Variants in PCDHA9 observed in about 807,000 individuals in gnomAD.
PCDHA9 encodes protocadherin alpha 9.
PCDHA9 carries 62 observed loss-of-function variants against 62.0 expected under a neutral mutation model. That is an observed-to-expected ratio of 1.00 (90% confidence interval 0.81 to 1.23). PCDHA9 has a LOEUF of 1.23. Among genes scored for constraint, PCDHA9 ranks in the 50% most tolerant of loss-of-function variants. The probability of loss-of-function intolerance (pLI) is 0.00; values close to 1 mark genes in which losing one functional copy is unlikely to be tolerated. For synonymous variants in PCDHA9, 557 were observed against 567.6 expected, an observed-to-expected ratio of 0.98 and a Z score of 0.27; for missense variants, 1,205 against 1,249.8, an observed-to-expected ratio of 0.96 and a Z score of 0.54.
chr5:140,962,080 T>A (rs1226617177), intron 1 of PCDHA9, among the ~76,000 whole-genome samples: 1 of 151,756 alleles, frequency 6.6e-6, no homozygotes, highest in Non-Finnish European at 1.5e-5. Context: ...AGAGACGGGG[T>A]TTCACCATGT....
At chr5:140,871,627 G>A (rs1448842330) in intron 1 of PCDHA9, 32 of 1,398,812 alleles carry the variant, frequency 2.3e-5, no homozygotes, top group African/African-American at 4.4e-5. Flanking sequence ...AGATAACAAT[G>A]TCTGTTCATA....
At chr5:140,998,148 A>G (rs1229553205) in intron 3 of PCDHA9, among the ~76,000 whole-genome samples, 10 of 152,234 alleles carry the variant, frequency 6.6e-5, no homozygotes, top group Admixed American at 6.5e-4. Flanking sequence ...TGTACTGAAC[A>G]GTTAAGCCAT....
intron 1 of PCDHA9, chr5:140,858,271 C>A: frequency 6.3e-7 from 1 of 1,597,124 alleles, no homozygotes. Flanking sequence ...TGTGCTCTAG[C>A]GCGGTGGGGA....
At chr5:140,856,346 GAGTGC>G in intron 1 of PCDHA9, 1 of 1,598,632 alleles carries the variant, frequency 6.3e-7, no homozygotes, top group South Asian at 1.1e-5. Context: ...GCGGAGCGTG[GAGTGC>G]AGCATCCACC....
chr5:140,977,163 AATG>A (rs1554238313), intron 1 of PCDHA9, among the ~76,000 whole-genome samples: 2 of 152,198 alleles, frequency 1.3e-5, no homozygotes, highest in Non-Finnish European at 2.9e-5. Flanking sequence ...CTTTCAGCAA[AATG>A]AGTTTGATGA....
chr5:141,000,395 C>CTCTCTATA (rs1213762225), intron 3 of PCDHA9, among the ~76,000 whole-genome samples: 1 of 53,986 alleles, frequency 1.9e-5, no homozygotes, highest in Non-Finnish European at 3.2e-5. Flanking sequence ...CTCTCTCTCT[C>CTCTCTATA]TATATATATA....
chr5:140,991,748 T>C (rs1192231997), intron 3 of PCDHA9, among the ~76,000 whole-genome samples: 4 of 152,224 alleles, frequency 2.6e-5, no homozygotes, highest in Non-Finnish European at 4.4e-5. Flanking sequence ...AGGCTCTTTC[T>C]ATCATGCTCT....
intron 1 of PCDHA9, chr5:140,882,819 A>G: frequency 6.2e-7 from 1 of 1,614,244 alleles, no homozygotes; most frequent in Non-Finnish European, 8.5e-7. Flanking sequence ...GACGCACAAA[A>G]CAGTCTTGAG....
chr5:140,952,058 T>A (rs889374877), intron 1 of PCDHA9, among the ~76,000 whole-genome samples: 7 of 151,978 alleles, frequency 4.6e-5, no homozygotes, highest in Non-Finnish European at 8.8e-5. Context: ...ATCTTAAAGC[T>A]CCAAATAATC....
intron 1 of PCDHA9, among the ~76,000 whole-genome samples, chr5:140,961,915 G>A (rs1393178053): frequency 2.0e-5 from 3 of 147,010 alleles, no homozygotes; most frequent in East Asian, 4.0e-4. Context: ...ATGGAGTCTC[G>A]CTCTGTTGCC....
chr5:140,894,603 C>G (rs782068626), intron 1 of PCDHA9, among the ~76,000 whole-genome samples: 1 of 151,756 alleles, frequency 6.6e-6, no homozygotes, highest in African/African-American at 2.4e-5. Context: ...TTTCTCATCT[C>G]TCTTTTCAAA....
intron 1 of PCDHA9, among the ~76,000 whole-genome samples, chr5:140,918,605 G>T (rs2078775246): frequency 6.6e-6 from 1 of 152,198 alleles, no homozygotes; most frequent in Non-Finnish European, 1.5e-5. Flanking sequence ...ATGTTGCTAT[G>T]ATATGAATGT....
intron 1 of PCDHA9, among the ~76,000 whole-genome samples, chr5:140,906,376 C>T (rs1372120775): frequency 1.3e-5 from 2 of 152,166 alleles, no homozygotes; most frequent in Admixed American, 6.5e-5. Context: ...AATGCTATTA[C>T]ATAAAGTTAA....
rs548266069 is a variant in PCDHA9 at position 140,886,217 on chromosome 5, T to G, written c.2394+35328T>G. Among the ~76,000 whole-genome samples, 388 of 152,238 alleles carry G rather than the reference T, an allele frequency of 2.5e-3. 1 individual carries two copies. Among genetic ancestry groups the G allele is most frequent in the African/African-American group, 9.1e-3 (377 of 41,582 alleles). Reference sequence around the variant, plus strand: ...GTAATCTGTTCTCCATTTCTCTAATTTTGTTACTTTTACTTCAGAAATAAA... The same window carrying G: ...GTAATCTGTTCTCCATTTCTCTAATGTTGTTACTTTTACTTCAGAAATAAA... On this transcript the variant is annotated intron_variant, in intron 1 of 3. Coordinates refer to ENST00000532602, the MANE Select transcript of PCDHA9 (RefSeq NM_031857.2).
intron 1 of PCDHA9, among the ~76,000 whole-genome samples, chr5:140,953,010 G>C (rs116014174): frequency 0.016 from 2,468 of 152,152 alleles, 61 homozygotes; most frequent in African/African-American, 0.055. Flanking sequence ...ACTATTATGA[G>C]AACAACATTA....
chr5:140,933,050 C>T (rs2088825990), intron 1 of PCDHA9, among the ~76,000 whole-genome samples: 1 of 152,018 alleles, frequency 6.6e-6, no homozygotes, highest in Admixed American at 6.5e-5. Context: ...GGATTACAGT[C>T]CAGGATCCTG....
chr5:140,862,809 G>C (rs782185253), intron 1 of PCDHA9: 2 of 572,722 alleles, frequency 3.5e-6, no homozygotes, highest in South Asian at 1.4e-5. Context: ...AGCTGCTGCA[G>C]TTCTAGGTGA....
At chr5:140,857,462 C>T (rs782280236) in intron 1 of PCDHA9, 2 of 1,598,496 alleles carry the variant, frequency 1.3e-6, no homozygotes. Context: ...GCCAGGCTGC[C>T]ACATCTTCAC....
At chr5:140,873,476 G>A (rs2054312814) in intron 1 of PCDHA9, among the ~76,000 whole-genome samples, 1 of 151,958 alleles carries the variant, frequency 6.6e-6, no homozygotes, top group African/African-American at 2.4e-5. Flanking sequence ...CAAATTACTT[G>A]GACTGATTTC....
Sources: allele counts gnomAD v4.1 joint callset (sites outside exome capture counted in the v4.1 genomes callset), GRCh38; gene constraint gnomAD v4.1.1; transcripts MANE v1.5; gene names NCBI Gene and HGNC (gene_info 2026-07-23, HGNC 2026-07-21).